Variants in PRKN observed in about 807,000 individuals in gnomAD.
The protein encoded by PRKN is parkin RBR E3 ubiquitin protein ligase.
PRKN carries 56 observed loss-of-function variants against 59.5 expected under a neutral mutation model. That is an observed-to-expected ratio of 0.94 (90% CI 0.76 to 1.18). The LOEUF is 1.18. Among genes scored for constraint, PRKN ranks in the 50% most tolerant of loss-of-function variants. The pLI is 0.00. For missense variants in PRKN, 657 were observed against 596.4 expected (o/e 1.10, Z -1.06); for synonymous variants, 250 against 222.1 (o/e 1.13, Z -1.12).
chr6:162,665,372 A>G (rs1562481023), intron 1 of PRKN, among the ~76,000 whole-genome samples: 1 of 152,076 alleles, frequency 6.6e-6, no homozygotes, highest in Non-Finnish European at 1.5e-5. Flanking sequence ...AATCACAAGA[A>G]TTCCTTTATA....
chr6:161,806,413 ACTGAACT>A lies in PRKN; in HGVS notation c.735-20512_735-20506del, dbSNP rs144513311. 2.0e-4 allele frequency among the ~76,000 whole-genome samples: 31 copies of A among 152,264 alleles called. No homozygotes were observed. The East Asian group carries it at 5.0e-3, about 25-fold the overall frequency. ...CATCATTTCTCCTTTCCCAACTCAT[ACTGAACT>A]CTGCATGGACAGGTTCCCTCCTTAG... On this transcript the variant is annotated intron_variant, in intron 6 of 11. Coordinates refer to ENST00000366898, the MANE Select transcript of PRKN (RefSeq NM_004562.3).
At chr6:162,146,953 ACTCCTGAC>A (rs946039937) in intron 4 of PRKN, among the ~76,000 whole-genome samples, 8 of 151,054 alleles carry the variant, frequency 5.3e-5, no homozygotes, top group Admixed American at 3.3e-4. Context: ...CTGGTTTCAA[ACTCCTGAC>A]CTCAGGTGAT....
intron 10 of PRKN, among the ~76,000 whole-genome samples, chr6:161,375,181 C>T (rs993688089): frequency 1.3e-5 from 2 of 152,092 alleles, no homozygotes; most frequent in African/African-American, 2.4e-5. Context: ...GGGAACCCCC[C>T]GGGGGTGCTG....
intron 1 of PRKN, among the ~76,000 whole-genome samples, chr6:162,538,324 G>A (rs1216668944): frequency 6.6e-6 from 1 of 152,102 alleles, no homozygotes; most frequent in African/African-American, 2.4e-5. Flanking sequence ...TTGAACCTGG[G>A]ATGAGGAGGT....
intron 5 of PRKN, among the ~76,000 whole-genome samples, chr6:162,040,895 G>C (rs981151990): frequency 6.6e-6 from 1 of 151,824 alleles, no homozygotes; most frequent in African/African-American, 2.4e-5. Context: ...GAGGGCAGGA[G>C]GGAAAGTCAT....
Position 161,897,859 on chromosome 6 carries a change from C to T in PRKN, c.734+75443G>A, listed in dbSNP as rs1000421611. On this transcript the variant is annotated intron_variant, in intron 6 of 11. Coordinates refer to ENST00000366898, the MANE Select transcript of PRKN (RefSeq NM_004562.3). ...GCGGGCGCCTGTAGTCCCAGCTACT[C>T]GGGAGGCTGAGGCAGGAGAATGGCG... 5.7e-3 allele frequency among the ~76,000 whole-genome samples: 843 copies of T among 148,446 alleles called. 7 individuals are homozygous for T. Among genetic ancestry groups the T allele is most frequent in the African/African-American group, 0.02 (798 of 39,962 alleles).
intron 5 of PRKN, among the ~76,000 whole-genome samples, chr6:161,980,422 C>T (rs1217630202): frequency 2.0e-5 from 3 of 152,094 alleles, no homozygotes; most frequent in African/African-American, 7.2e-5. Flanking sequence ...TTGCATGGCT[C>T]AGGGTATAGT....
chr6:162,309,444 C>T (rs545652482), intron 2 of PRKN, among the ~76,000 whole-genome samples: 3 of 152,160 alleles, frequency 2.0e-5, no homozygotes, highest in Admixed American at 6.5e-5. Flanking sequence ...GGATTACAGG[C>T]GTGAGCCAGA....
intron 1 of PRKN, among the ~76,000 whole-genome samples, chr6:162,615,100 G>A (rs1210910358): frequency 6.6e-6 from 1 of 152,106 alleles, no homozygotes; most frequent in East Asian, 1.9e-4. Flanking sequence ...CAAAATATGA[G>A]CACATACCTT....
At chr6:161,392,770 A>AT (rs886865707) in intron 9 of PRKN, among the ~76,000 whole-genome samples, 2 of 76,450 alleles carry the variant, frequency 2.6e-5, no homozygotes, top group African/African-American at 1.3e-4. Flanking sequence ...GAGGTATAGA[A>AT]TAAAAAAAAA....
At chr6:162,492,285 C>T (rs981031816) in intron 1 of PRKN, among the ~76,000 whole-genome samples, 2 of 152,192 alleles carry the variant, frequency 1.3e-5, no homozygotes, top group African/African-American at 2.4e-5. Flanking sequence ...GCTTGCTTAT[C>T]CTCACCCCTT....
rs776880113 is a variant in PRKN, at chr6:162,380,433, GTATATATATATA to G, written c.171+62865_171+62876del. Among the ~76,000 whole-genome samples, 175 of 121,520 alleles carry G rather than the reference GTATATATATATA, an allele frequency of 1.4e-3. 1 individual carries two copies. Among genetic ancestry groups the G allele is most frequent in the African/African-American group, 5.2e-3 (162 of 31,326 alleles). The allele number at this position is 121,520 out of a possible 152,430, so 79.7% of individuals were successfully genotyped here. A position where few individuals can be genotyped will look rare whatever the true frequency, so the allele number is the denominator to read the frequency against. Reference sequence around the variant, plus strand: ...TATATACACACATATATATATGTGTGTATATATATATATGTATATATACACACATATATATGT... The same window carrying G: ...TATATACACACATATATATATGTGTGTGTATATATACACACATATATATGT... On this transcript the variant is annotated intron_variant, in intron 2 of 11. Transcript: ENST00000366898.
intron 9 of PRKN, among the ~76,000 whole-genome samples, chr6:161,436,299 G>T (rs1428589602): frequency 7.3e-6 from 1 of 136,578 alleles, no homozygotes; most frequent in Non-Finnish European, 1.5e-5. Flanking sequence ...CAGAGAGCAG[G>T]GGCCGGGATG....
intron 7 of PRKN, among the ~76,000 whole-genome samples, chr6:161,719,322 CAAGCA>C (rs1436671989): frequency 6.6e-6 from 1 of 151,664 alleles, no homozygotes; most frequent in African/African-American, 2.4e-5. Flanking sequence ...GAAGAGAGGG[CAAGCA>C]AAGTTTCAGA....
chr6:162,087,589 C>CCTT (rs1779298311), intron 4 of PRKN, among the ~76,000 whole-genome samples: 1 of 102,692 alleles, frequency 9.7e-6, no homozygotes, highest in Non-Finnish European at 1.8e-5. Context: ...AGAATAATTT[C>CCTT]TTTTTTTTTT....
At chr6:161,623,399 C>T (rs1433221223) in intron 7 of PRKN, among the ~76,000 whole-genome samples, 1 of 152,176 alleles carries the variant, frequency 6.6e-6, no homozygotes, top group South Asian at 2.1e-4. Flanking sequence ...GTAGTATTCC[C>T]TAGCAACACA....
intron 5 of PRKN, among the ~76,000 whole-genome samples, chr6:161,977,751 G>T (rs568084552): frequency 0.012 from 1,829 of 151,054 alleles, 44 homozygotes; most frequent in African/African-American, 0.042. Context: ...GTTTCACCAT[G>T]TTAGCCAGGA....
intron 2 of PRKN, chr6:162,270,167 T>C (rs1780311065): frequency 6.6e-6 from 1 of 152,192 alleles, no homozygotes; most frequent in African/African-American, 2.4e-5. Flanking sequence ...TGGTATATGA[T>C]GGAATACTGC....
intron 1 of PRKN, among the ~76,000 whole-genome samples, chr6:162,478,246 G>A (rs1055331174): frequency 6.6e-6 from 1 of 152,142 alleles, no homozygotes; most frequent in African/African-American, 2.4e-5. Context: ...TCAGGCTGCG[G>A]CTCAGAGTTC....
Sources: gnomAD v4.1 joint callset for allele counts (sites outside exome capture counted in the v4.1 genomes callset) on GRCh38, gnomAD v4.1.1 for gene constraint, MANE v1.5 for transcripts, NCBI Gene and HGNC (gene_info 2026-07-23, HGNC 2026-07-21) for gene names.